The following ZNF407 variants were observed in gnomAD, a reference collection of about 807,000 sequenced individuals.
ZNF407 encodes zinc finger protein 407.
ZNF407 carries 17 observed loss-of-function variants against 131.2 expected under a neutral mutation model. The observed-to-expected ratio is 0.13, with a 90% CI of 0.09 to 0.19. ZNF407 has a LOEUF of 0.19. ZNF407 is among the 10% of genes least tolerant of loss of function. The pLI, the probability that ZNF407 is intolerant of heterozygous loss-of-function variation, is 1.00. For synonymous variants in ZNF407, 1,156 were observed against 1,062.0 expected, an observed-to-expected ratio of 1.09 and a Z score of -1.72; for missense variants, 2,681 against 2,830.6, an observed-to-expected ratio of 0.95 and a Z score of 1.20.
chr18:74,791,079 C>T (rs1008023853), intron 4 of ZNF407, among the ~76,000 whole-genome samples: 1 of 152,242 alleles, frequency 6.6e-6, no homozygotes, highest in South Asian at 2.1e-4. Flanking sequence ...ACTTAGTACT[C>T]ATAGGAGAAA....
chr18:74,838,891 T>C (rs1349795818), intron 4 of ZNF407, among the ~76,000 whole-genome samples: 1 of 152,200 alleles, frequency 6.6e-6, no homozygotes, highest in Non-Finnish European at 1.5e-5. Flanking sequence ...ATCATCTTTT[T>C]TTCACTATTG....
chr18:74,647,772 G>A (rs146103337), intron 3 of ZNF407, among the ~76,000 whole-genome samples: 185 of 152,288 alleles, frequency 1.2e-3, no homozygotes, highest in African/African-American at 4.3e-3. Flanking sequence ...GTGACAAGGT[G>A]GTGCCCGGGC....
chr18:74,867,228 G>A (rs749739378), intron 4 of ZNF407, among the ~76,000 whole-genome samples: 9 of 152,126 alleles, frequency 5.9e-5, no homozygotes, highest in Non-Finnish European at 1.3e-4. Flanking sequence ...CAGCCGTGTT[G>A]TCTTTGGCAT....
chr18:74,606,608 C>T (rs1982819559), intron 1 of ZNF407, among the ~76,000 whole-genome samples: 1 of 152,116 alleles, frequency 6.6e-6, no homozygotes, highest in South Asian at 2.1e-4. Flanking sequence ...TGTCATCACA[C>T]ATATTCTTTA....
Position 74,757,771 on chromosome 18 carries a change from G to A in ZNF407, c.4803-23657G>A, listed in dbSNP as rs1237561930. On this transcript the variant is annotated intron_variant, in intron 3 of 8. Transcript: ENST00000299687. The stretch of plus-strand genomic sequence containing the variant: ...TCCAAATCTTATTGTTGAAATTTCT[G>A]CTTCATTTCTATAATTTGTTGTTTT... Among the ~76,000 whole-genome samples, 4 of 151,890 alleles carry A rather than the reference G, an allele frequency of 2.6e-5. No individual in the cohort carries two copies. In the East Asian group the frequency reaches 7.7e-4, roughly 29 times the overall value.
chr18:74,661,272 A>G (rs1240398665), intron 3 of ZNF407, among the ~76,000 whole-genome samples: 1 of 151,952 alleles, frequency 6.6e-6, no homozygotes, highest in Non-Finnish European at 1.5e-5. Flanking sequence ...TGTTGTACAC[A>G]CAGTAAATTC....
At chr18:74,920,795 A>G in intron 8 of ZNF407, 103 bp downstream of exon 8, 1 of 1,414,492 alleles carries the variant, frequency 7.1e-7, no homozygotes, top group South Asian at 1.7e-5. Flanking sequence ...GTAATGGAGT[A>G]GAGTATGTGA....
intron 3 of ZNF407, among the ~76,000 whole-genome samples, chr18:74,707,978 A>C (rs955554881): frequency 6.6e-6 from 1 of 152,258 alleles, no homozygotes; most frequent in Non-Finnish European, 1.5e-5. Context: ...AACAAGTGTT[A>C]GTGTAAATAT....
chr18:74,699,157 G>C (rs1035902183), intron 3 of ZNF407, among the ~76,000 whole-genome samples: 1 of 151,810 alleles, frequency 6.6e-6, no homozygotes, highest in African/African-American at 2.4e-5. Flanking sequence ...ATATCTTTGG[G>C]TCCAATTTCC....
chr18:74,745,045 A>C (rs1467164420), intron 3 of ZNF407, among the ~76,000 whole-genome samples: 1 of 152,114 alleles, frequency 6.6e-6, no homozygotes, highest in Admixed American at 6.5e-5. Flanking sequence ...GAGAGAAGGA[A>C]GGGACACAAC....
intron 3 of ZNF407, among the ~76,000 whole-genome samples, chr18:74,643,982 G>A (rs894720108): frequency 2.0e-5 from 3 of 151,890 alleles, no homozygotes; most frequent in Admixed American, 2.0e-4. Context: ...GAAGCTGAAT[G>A]TATTAGATGC....
intron 8 of ZNF407, among the ~76,000 whole-genome samples, chr18:74,976,738 G>A (rs774309021): frequency 3.3e-5 from 5 of 152,202 alleles, no homozygotes; most frequent in Admixed American, 1.3e-4. Flanking sequence ...GAGCCCCTTC[G>A]GAGCACTGTG....
chr18:74,814,693 A>G (rs1218512548), intron 4 of ZNF407, among the ~76,000 whole-genome samples: 4 of 152,222 alleles, frequency 2.6e-5, no homozygotes, highest in Non-Finnish European at 1.5e-5. Context: ...TAATTTTTCC[A>G]AAATGATTGT....
chr18:74,935,127 G>A (rs1283545059), intron 8 of ZNF407, among the ~76,000 whole-genome samples: 1 of 152,132 alleles, frequency 6.6e-6, no homozygotes, highest in Non-Finnish European at 1.5e-5. Flanking sequence ...GTAATAAATA[G>A]ACTGTTTTAA....
chr18:75,063,218 C>T lies in ZNF407; in HGVS notation c.5497C>T (p.Pro1833Ser), dbSNP rs563049323. Residue 1833 changes from proline to serine, a missense_variant, in exon 9 of 9, where the codon CCC (proline) becomes TCC (serine). Pro to Ser is a moderately conservative substitution (Grantham distance 74, BLOSUM62 -1). Transcript: ENST00000299687. The surrounding 1 kb of genome is among the most constrained non-coding windows in gnomAD (Gnocchi z 6.6). ...QGATFVETDS[P>S]FTAAALAEEP... ...AGCCACCTTCGTGGAGACAGACAGC[C>T]CCTTCACCGCGGCGGCCTTGGCAGA... 160 of 1,613,042 alleles carry T rather than the reference C, an allele frequency of 9.9e-5. 1 individual carries two copies. The highest frequency in any genetic ancestry group is 9.9e-4 in the Middle Eastern group (6 of 6,056).
chr18:74,787,479 C>T (rs1192065925), intron 4 of ZNF407, among the ~76,000 whole-genome samples: 1 of 152,194 alleles, frequency 6.6e-6, no homozygotes, highest in Non-Finnish European at 1.5e-5. Flanking sequence ...ATCTGTGCTG[C>T]AGAATCTCAG....
chr18:74,796,180 A>G (rs932916232), intron 4 of ZNF407, among the ~76,000 whole-genome samples: 18 of 152,226 alleles, frequency 1.2e-4, no homozygotes, highest in Non-Finnish European at 2.5e-4. Flanking sequence ...CGTTCTAGAG[A>G]AAGTGTTTCT....
intron 2 of ZNF407, among the ~76,000 whole-genome samples, chr18:74,639,617 C>G (rs1459399089): frequency 6.6e-6 from 1 of 152,154 alleles, no homozygotes; most frequent in Non-Finnish European, 1.5e-5. Flanking sequence ...CTAGATACAA[C>G]CATTCAGGTG....
chr18:74,755,621 C>G (rs1968920654), intron 3 of ZNF407, among the ~76,000 whole-genome samples: 1 of 113,590 alleles, frequency 8.8e-6, no homozygotes, highest in Non-Finnish European at 1.7e-5. Context: ...CCGAGTCTAA[C>G]TCTGTTGCCC....
Sources: allele counts gnomAD v4.1 joint callset (sites outside exome capture counted in the v4.1 genomes callset), GRCh38; gene constraint gnomAD v4.1.1; non-coding constraint Gnocchi (gnomAD v3.1); transcripts MANE v1.5; gene names NCBI Gene and HGNC (gene_info 2026-07-23, HGNC 2026-07-21).